The following ZBTB44 variants were observed in gnomAD, a reference collection of about 807,000 sequenced individuals.
The protein encoded by ZBTB44 is zinc finger and BTB domain-containing protein 44.
Under a neutral mutation model 54.0 loss-of-function variants are expected in ZBTB44, and 15 were observed. That is an observed-to-expected ratio of 0.28 (90% confidence interval 0.19 to 0.43). ZBTB44 has a LOEUF of 0.43. ZBTB44 is among the 20% of genes least tolerant of loss of function. The pLI is 1.00. For missense variants in ZBTB44, 487 were observed against 707.1 expected (o/e 0.69, Z 3.53); for synonymous variants, 230 against 250.1 (o/e 0.92, Z 0.76).
chr11:130,276,999 C>T (rs1940152704), intron 1 of ZBTB44, among the ~76,000 whole-genome samples: 1 of 152,076 alleles, frequency 6.6e-6, no homozygotes, highest in African/African-American at 2.4e-5. Context: ...TATTTATTTC[C>T]ATCCTTTTAC....
At chr11:130,290,134 G>A (rs1941215657) in intron 1 of ZBTB44, among the ~76,000 whole-genome samples, 2 of 152,236 alleles carry the variant, frequency 1.3e-5, no homozygotes, top group South Asian at 4.1e-4. Flanking sequence ...AAGGAAGGCA[G>A]ATGTAGACTT....
chr11:130,261,478 T>C lies in ZBTB44; in HGVS notation c.396A>G (p.Thr132=). The C allele has an allele frequency of 6.2e-7, 1 of 1,613,990 alleles. No individual in the cohort carries two copies. The highest frequency in any genetic ancestry group is 8.5e-7 in the Non-Finnish European group (1 of 1,179,884). ...EFMKSSILWN[T]PNSQPEKGLD... Reference sequence around the variant, plus strand: ...GACCCTTTTCAGGTTGGCTGTTGGGTGTATTCCATAAAATGCTTGATTTCA... The same window carrying C: ...GACCCTTTTCAGGTTGGCTGTTGGGCGTATTCCATAAAATGCTTGATTTCA... The change falls in exon 2 of 8, where the codon ACA becomes ACG. Residue 132 remains threonine (T), a synonymous_variant. Coordinates refer to ENST00000357899, the MANE Select transcript of ZBTB44 (RefSeq NM_001301098.2). The surrounding 1 kb of genome is among the most constrained non-coding windows in gnomAD (Gnocchi z 4.8).
At chr11:130,279,177 G>GCTAAA (rs1460165357) in intron 1 of ZBTB44, among the ~76,000 whole-genome samples, 1 of 151,898 alleles carries the variant, frequency 6.6e-6, no homozygotes, top group African/African-American at 2.4e-5. Flanking sequence ...CCTCCACAAT[G>GCTAAA]CTAAGCCTTG....
chr11:130,271,170 G>A (rs1270086887), intron 1 of ZBTB44, among the ~76,000 whole-genome samples: 3 of 152,110 alleles, frequency 2.0e-5, no homozygotes, highest in African/African-American at 4.8e-5. Context: ...TATATAAAAT[G>A]CCTATATCTA....
intron 5 of ZBTB44, among the ~76,000 whole-genome samples, chr11:130,235,628 TCAGCCTGGG>T (rs1170960321): frequency 1.3e-5 from 2 of 151,940 alleles, no homozygotes; most frequent in Non-Finnish European, 2.9e-5. Context: ...CCACTGCACT[TCAGCCTGGG>T]CAACACTGCA....
Position 130,284,599 on chromosome 11 carries a change from T to C in ZBTB44, c.-56-22670A>G, listed in dbSNP as rs1009032484. Among the ~76,000 whole-genome samples the C allele has an allele frequency of 3.0e-4, 46 of 152,170 alleles. 1 individual carries two copies. The highest frequency in any genetic ancestry group is 3.3e-4 in the Admixed American group (5 of 15,262). On this transcript the variant is annotated intron_variant, in intron 1 of 7. Transcript: ENST00000357899. ...AAAAAGCACTGTTGGCCAAGCGTGG[T>C]AGCTCACCCCTGTAATTCCAGCACT... is the stretch of plus-strand genomic sequence containing the variant.
intron 2 of ZBTB44, among the ~76,000 whole-genome samples, chr11:130,256,013 A>G (rs1461005487): frequency 6.6e-6 from 1 of 152,100 alleles, no homozygotes; most frequent in East Asian, 1.9e-4. Flanking sequence ...TCACAGCTGA[A>G]TTCTACCAAA....
chr11:130,238,187 C>G (rs12273626), intron 4 of ZBTB44, among the ~76,000 whole-genome samples: 5,006 of 152,226 alleles, frequency 0.033, 256 homozygotes, highest in African/African-American at 0.11. Flanking sequence ...TATGTGCACA[C>G]CTAATATGTC....
Position 130,230,736 on chromosome 11 carries a change from G to A in ZBTB44, c.*1028C>T, listed in dbSNP as rs137993721. 2 of 151,902 alleles carry A rather than the reference G, an allele frequency of 1.3e-5. No homozygotes were observed. Among genetic ancestry groups the A allele is most frequent in the African/African-American group, 4.8e-5 (2 of 41,390 alleles). 9.4% of individuals were successfully genotyped at this position (151,902 alleles called of 1,614,324 possible). ...AAAACTTAAAATGCCAAAAAATAAA[G>A]ACCAATATTAATCTCTTTATTTCTG... On this transcript the variant is annotated 3_prime_UTR_variant, in exon 8 of 8. Coordinates refer to ENST00000357899, the MANE Select transcript of ZBTB44 (RefSeq NM_001301098.2).
At position 130,314,763 on chromosome 11, in the gene ZBTB44, C is replaced by T. The variant is rs1400192127; in HGVS notation, c.-445G>A. On this transcript the variant is annotated 5_prime_UTR_variant, in exon 1 of 8. Coordinates refer to ENST00000357899, the MANE Select transcript of ZBTB44 (RefSeq NM_001301098.2). Reference sequence around the variant, plus strand: ...GAGCGCGGCGACGGCTCGCGTGTTCCCAGCGGGGCGGGGTGGGGAAGGGGA... The same window carrying T: ...GAGCGCGGCGACGGCTCGCGTGTTCTCAGCGGGGCGGGGTGGGGAAGGGGA... 2.7e-5 allele frequency: 4 copies of T among 147,206 alleles called. No individual in the cohort carries two copies. In the East Asian group the frequency reaches 8.3e-4, roughly 30 times the overall value. The allele number at this position is 147,206 out of a possible 1,614,324, so 9.1% of individuals were successfully genotyped here. A position where few individuals can be genotyped will look rare whatever the true frequency, so the allele number is the denominator to read the frequency against.
intron 1 of ZBTB44, among the ~76,000 whole-genome samples, chr11:130,264,744 A>T (rs1389065640): frequency 1.6e-4 from 25 of 152,234 alleles, no homozygotes; most frequent in Non-Finnish European, 5.9e-5. Flanking sequence ...ATACAAACTT[A>T]TATGGACAAA....
intron 1 of ZBTB44, among the ~76,000 whole-genome samples, chr11:130,264,856 G>A (rs1939138576): frequency 6.6e-6 from 1 of 152,138 alleles, no homozygotes; most frequent in African/African-American, 2.4e-5. Context: ...TGGCAACCCT[G>A]CTGTCAGCAA....
intron 1 of ZBTB44, among the ~76,000 whole-genome samples, chr11:130,307,631 C>A (rs2134511997): frequency 6.6e-6 from 1 of 152,066 alleles, no homozygotes; most frequent in South Asian, 2.1e-4. Context: ...AATGATAGAC[C>A]ACAAATACCA....
At chr11:130,306,765 A>T (rs1942286400) in intron 1 of ZBTB44, among the ~76,000 whole-genome samples, 1 of 152,206 alleles carries the variant, frequency 6.6e-6, no homozygotes, top group Non-Finnish European at 1.5e-5. Context: ...GTTGTAAGCC[A>T]TTATTCTAAG....
intron 1 of ZBTB44, among the ~76,000 whole-genome samples, chr11:130,290,807 G>GA (rs1941257358): frequency 6.6e-6 from 1 of 152,166 alleles, no homozygotes; most frequent in South Asian, 2.1e-4. Context: ...CATTGATGGG[G>GA]AAATTGAGGC....
chr11:130,240,291 C>T (rs1460059510), intron 2 of ZBTB44, among the ~76,000 whole-genome samples: 3 of 152,020 alleles, frequency 2.0e-5, no homozygotes, highest in African/African-American at 4.8e-5. Flanking sequence ...CCACCTGCCT[C>T]GGCCTCCCAA....
At chr11:130,253,210 C>G (rs1030219839) in intron 2 of ZBTB44, among the ~76,000 whole-genome samples, 2 of 152,196 alleles carry the variant, frequency 1.3e-5, no homozygotes, top group African/African-American at 4.8e-5. Context: ...GTTGGAAGTT[C>G]TGGCCAGGGC....
chr11:130,244,667 G>GGGAAAAAAA (rs1257316227), intron 2 of ZBTB44, among the ~76,000 whole-genome samples: 2 of 104,794 alleles, frequency 1.9e-5, no homozygotes, highest in Admixed American at 9.6e-5. Context: ...ACTCTGTCTG[G>GGGAAAAAAA]AAAAAAAAAA....
intron 1 of ZBTB44, among the ~76,000 whole-genome samples, chr11:130,312,103 A>C (rs1354228319): frequency 1.3e-5 from 2 of 152,224 alleles, no homozygotes; most frequent in East Asian, 3.8e-4. Flanking sequence ...TTTAACATTT[A>C]ATTTGCATTT....
Sources: gnomAD v4.1 joint callset for allele counts (sites outside exome capture counted in the v4.1 genomes callset) on GRCh38, gnomAD v4.1.1 for gene constraint, Gnocchi (gnomAD v3.1) non-coding constraint, MANE v1.5 for transcripts, NCBI Gene and HGNC (gene_info 2026-07-23, HGNC 2026-07-21) for gene names.